SHISA9: variants seen among roughly 807,000 people sequenced by gnomAD.
The protein encoded by SHISA9 is protein shisa-9.
Under a neutral mutation model 38.0 loss-of-function variants are expected in SHISA9, and 13 were observed. That is an observed-to-expected ratio of 0.34 (90% CI 0.22 to 0.54). The LOEUF (loss-of-function observed/expected upper bound fraction) is 0.54. Among genes scored for constraint, SHISA9 ranks in the 20% least tolerant of loss-of-function variants. SHISA9 has a pLI of 0.91. For missense variants in SHISA9, 538 were observed against 575.8 expected (o/e 0.93, Z 0.67); for synonymous variants, 275 against 242.0 (o/e 1.14, Z -1.27).
the SHISA9 span, among the ~76,000 whole-genome samples, chr16:13,305,210 T>C: frequency 2.5e-4 from 38 of 152,350 alleles, 1 homozygote; most frequent in Middle Eastern, 6.8e-3. Context: ...GAGTTTGTTG[T>C]GTGCCTGAGT....
At position 13,235,565 on chromosome 16, in the gene SHISA9, G is replaced by T. The variant is rs1000364904; in HGVS notation, c.*156G>T. 6.1e-6 allele frequency: 6 copies of T among 981,674 alleles called. No individual in the cohort carries two copies. The highest frequency in any genetic ancestry group is 8.7e-6 in the Non-Finnish European group (6 of 688,060). 60.8% of individuals were successfully genotyped at this position (981,674 alleles called of 1,614,324 possible). On this transcript the variant is annotated 3_prime_UTR_variant, in exon 5 of 5. Transcript: ENST00000558583. ...AAACCTACTGGGGACACAGAGTCGC[G>T]CTTTTCCTAGGTCATGCCTGTAACG...
chr16:13,329,725 T>C, the SHISA9 span, among the ~76,000 whole-genome samples: 1 of 152,234 alleles, frequency 6.6e-6, no homozygotes, highest in Non-Finnish European at 1.5e-5. Context: ...GGTAGAGCCA[T>C]GCCAGTGAAT....
At chr16:13,161,781 TACCTTATAAGAAAA>T (rs1217253740) in intron 2 of SHISA9, among the ~76,000 whole-genome samples, 1 of 152,218 alleles carries the variant, frequency 6.6e-6, no homozygotes, top group East Asian at 1.9e-4. Context: ...GTTTGAACTC[TACCTTATAAGAAAA>T]ACCCTCGTTT....
At chr16:13,186,967 C>T (rs1285123385) in intron 2 of SHISA9, among the ~76,000 whole-genome samples, 1 of 152,216 alleles carries the variant, frequency 6.6e-6, no homozygotes, top group Non-Finnish European at 1.5e-5. Flanking sequence ...TTTATCCATT[C>T]ATCTGTCGAT....
rs1262036554 is a variant in SHISA9, at chr16:13,236,310, T to TC, written c.*901_*902insC. 6.6e-6 allele frequency: 1 copy of TC among 151,226 alleles called. No homozygotes were observed. Among genetic ancestry groups the TC allele is most frequent in the Non-Finnish European group, 1.5e-5 (1 of 67,784 alleles). The allele number at this position is 151,226 out of a possible 1,614,324, so 9.4% of individuals were successfully genotyped here. ...AAACGGCAAATTAGGTGTTTTTTTT[T>TC]TTTCAAAAATCTTGAAGACTTGTTG... On this transcript the variant is annotated 3_prime_UTR_variant, in exon 5 of 5. Coordinates refer to ENST00000558583, the MANE Select transcript of SHISA9 (RefSeq NM_001145204.3).
chr16:12,924,013 T>C (rs2141731709), intron 2 of SHISA9, among the ~76,000 whole-genome samples: 1 of 152,022 alleles, frequency 6.6e-6, no homozygotes, highest in East Asian at 1.9e-4. Flanking sequence ...CTTCAGGAGG[T>C]AGACTGAGAA....
At chr16:13,179,598 C>G (rs940348649) in intron 2 of SHISA9, among the ~76,000 whole-genome samples, 2 of 152,216 alleles carry the variant, frequency 1.3e-5, no homozygotes, top group Admixed American at 1.3e-4. Flanking sequence ...GAGAAATCCT[C>G]TGTTAATACT....
At chr16:13,042,186 C>T (rs1431696955) in intron 2 of SHISA9, among the ~76,000 whole-genome samples, 1 of 152,188 alleles carries the variant, frequency 6.6e-6, no homozygotes, top group Non-Finnish European at 1.5e-5. Flanking sequence ...GCCACAAGGA[C>T]ACTGGGAATC....
At chr16:12,903,656 G>T (rs2071053387) in intron 1 of SHISA9, among the ~76,000 whole-genome samples, 1 of 152,194 alleles carries the variant, frequency 6.6e-6, no homozygotes, top group South Asian at 2.1e-4. Flanking sequence ...GGGCGGGGTG[G>T]AAGGAGTGAC....
the SHISA9 span, among the ~76,000 whole-genome samples, chr16:13,514,671 A>G: frequency 6.6e-6 from 1 of 152,316 alleles, no homozygotes; most frequent in African/African-American, 2.4e-5. Flanking sequence ...TAAAAGCAAA[A>G]GAGCATCAGC....
the SHISA9 span, among the ~76,000 whole-genome samples, chr16:13,551,350 A>G: frequency 1.3e-5 from 2 of 152,268 alleles, no homozygotes; most frequent in East Asian, 3.9e-4. Flanking sequence ...ATGCACACAC[A>G]CCTATAAGCA....
At chr16:13,174,677 C>G (rs2050716439) in intron 2 of SHISA9, among the ~76,000 whole-genome samples, 2 of 152,176 alleles carry the variant, frequency 1.3e-5, no homozygotes, top group African/African-American at 4.8e-5. Flanking sequence ...ATGCCCTCCT[C>G]TCACATGGGG....
At position 12,972,280 on chromosome 16, in the gene SHISA9, G is replaced by A. The variant is rs376909623; in HGVS notation, c.691+55465G>A. Among the ~76,000 whole-genome samples, 339 of 152,238 alleles carry A rather than the reference G, an allele frequency of 2.2e-3. 1 individual carries two copies. Among genetic ancestry groups the A allele is most frequent in the Middle Eastern group, 0.01 (3 of 294 alleles). ...AAAAACAGAAAGATAAGAGGAAACA[G>A]AAGAGCAGAATGAAAGAGTATTCCA... On this transcript the variant is annotated intron_variant, in intron 2 of 4. Coordinates refer to ENST00000558583, the MANE Select transcript of SHISA9 (RefSeq NM_001145204.3).
At chr16:13,185,052 A>C (rs1318030926) in intron 2 of SHISA9, among the ~76,000 whole-genome samples, 1 of 152,322 alleles carries the variant, frequency 6.6e-6, no homozygotes, top group Non-Finnish European at 1.5e-5. Flanking sequence ...AAGGTGCAAG[A>C]GTTTCACTTG....
At chr16:13,015,333 C>G (rs1480220247) in intron 2 of SHISA9, among the ~76,000 whole-genome samples, 1 of 152,196 alleles carries the variant, frequency 6.6e-6, no homozygotes, top group African/African-American at 2.4e-5. Flanking sequence ...TCTGCTTTAG[C>G]TATAATGAAT....
At chr16:12,958,913 G>A (rs2071871910) in intron 2 of SHISA9, among the ~76,000 whole-genome samples, 1 of 152,126 alleles carries the variant, frequency 6.6e-6, no homozygotes, top group African/African-American at 2.4e-5. Flanking sequence ...TCTCCCATGA[G>A]AGTTGGGTCT....
At chr16:13,044,305 G>A (rs1431986462) in intron 2 of SHISA9, among the ~76,000 whole-genome samples, 1 of 152,210 alleles carries the variant, frequency 6.6e-6, no homozygotes, top group African/African-American at 2.4e-5. Flanking sequence ...TTCCTCTGTG[G>A]TAGGAAGGAC....
chr16:13,248,130 C>CTTGGGTCT, the SHISA9 span, among the ~76,000 whole-genome samples: 1 of 152,146 alleles, frequency 6.6e-6, no homozygotes, highest in Non-Finnish European at 1.5e-5. Context: ...AAGCCTTTCT[C>CTTGGGTCT]TTGGGTCTTA....
At chr16:13,247,479 G>A in the SHISA9 span, among the ~76,000 whole-genome samples, 4 of 152,274 alleles carry the variant, frequency 2.6e-5, no homozygotes, top group Non-Finnish European at 4.4e-5. Flanking sequence ...GTGCTGGAGC[G>A]AGAATCTAAA....
Sources: allele counts gnomAD v4.1 joint callset (sites outside exome capture counted in the v4.1 genomes callset), GRCh38; gene constraint gnomAD v4.1.1; transcripts MANE v1.5; gene names NCBI Gene and HGNC (gene_info 2026-07-23, HGNC 2026-07-21).